SOX6: variants seen among roughly 807,000 people sequenced by gnomAD.
SOX6 encodes the protein SRY-box transcription factor 6, also known as transcription factor SOX-6.
SOX6 carries 11 observed loss-of-function variants against 97.8 expected under a neutral mutation model. That is an observed-to-expected ratio of 0.11 (90% CI 0.07 to 0.19). The LOEUF (loss-of-function observed/expected upper bound fraction) is 0.19, where lower values mean the gene tolerates loss of function less well. SOX6 is among the 10% of genes least tolerant of loss of function. The probability of loss-of-function intolerance (pLI) is 1.00; values close to 1 mark genes in which losing one functional copy is unlikely to be tolerated. For missense variants in SOX6, 810 were observed against 1,039.5 expected (o/e 0.78, Z 3.04); for synonymous variants, 360 against 371.4 (o/e 0.97, Z 0.35).
At chr11:16,623,447 G>A (rs1590016507) in intron 3 of SOX6, among the ~76,000 whole-genome samples, 3 of 152,160 alleles carry the variant, frequency 2.0e-5, no homozygotes, top group South Asian at 4.2e-4. Context: ...ATTCCTTGTA[G>A]ATTCTGGATA....
At chr11:16,597,112 G>T (rs1168355900) in intron 4 of SOX6, among the ~76,000 whole-genome samples, 1 of 152,060 alleles carries the variant, frequency 6.6e-6, no homozygotes, top group Non-Finnish European at 1.5e-5. Flanking sequence ...AGTATGGCTG[G>T]TAAGTTTATC....
At chr11:16,393,445 TAA>T (rs1025146561) in intron 1 of SOX6, among the ~76,000 whole-genome samples, 3 of 152,038 alleles carry the variant, frequency 2.0e-5, no homozygotes, top group Non-Finnish European at 2.9e-5. Context: ...CATATATATA[TAA>T]GTGACATACA....
intron 3 of SOX6, among the ~76,000 whole-genome samples, chr11:16,661,637 T>C (rs553943750): frequency 2.4e-4 from 37 of 152,056 alleles, no homozygotes; most frequent in African/African-American, 7.2e-4. Flanking sequence ...AGCCTCAAAC[T>C]CCTAGACTCA....
intron 1 of SOX6, among the ~76,000 whole-genome samples, chr11:16,411,174 ATCTACTACC>A (rs1422150049): frequency 6.6e-6 from 1 of 152,104 alleles, no homozygotes; most frequent in Non-Finnish European, 1.5e-5. Flanking sequence ...AAACTGTAAA[ATCTACTACC>A]TCTGAGAAAC....
chr11:16,243,667 G>A (rs1166563379), intron 3 of SOX6, among the ~76,000 whole-genome samples: 1 of 151,688 alleles, frequency 6.6e-6, no homozygotes, highest in Non-Finnish European at 1.5e-5. Flanking sequence ...CCCTTTCCAG[G>A]CAATCATCCA....
chr11:16,484,440 T>C, intron 4 of SOX6: 1 of 795,270 alleles, frequency 1.3e-6, no homozygotes, highest in South Asian at 1.3e-5. Context: ...CACCACAGCT[T>C]ACTGACAATG....
chr11:16,092,259 G>T (rs1435749704), intron 9 of SOX6, among the ~76,000 whole-genome samples: 1 of 151,726 alleles, frequency 6.6e-6, no homozygotes, highest in African/African-American at 2.4e-5. Flanking sequence ...GTTTTGGGGG[G>T]GACAGGTTTG....
At chr11:16,660,465 A>C (rs1847757879) in intron 3 of SOX6, among the ~76,000 whole-genome samples, 1 of 152,234 alleles carries the variant, frequency 6.6e-6, no homozygotes, top group African/African-American at 2.4e-5. Flanking sequence ...ATGTTTCGTA[A>C]GGTTTCTATT....
chr11:16,569,463 G>A (rs1425878250), intron 4 of SOX6, among the ~76,000 whole-genome samples: 8 of 152,096 alleles, frequency 5.3e-5, no homozygotes, highest in African/African-American at 1.7e-4. Flanking sequence ...TTAGCACACA[G>A]TACGTATACA....
rs1242397325 is a variant in SOX6, at chr11:15,989,122, C to T, written c.1841G>A (p.Arg614His). ...CTTAATGTGTGGCTCGCTGCTGGCA[C>T]GGCCGCGGGCGTCCCTGTAGACTCG... ...EARVYRDARG[R>H]ASSEPHIKRP... Residue 614 changes from arginine (R) to histidine (H), a missense_variant, in exon 14 of 16, where the codon CGT becomes CAT. Transcript: ENST00000683767. The T allele has an allele frequency of 1.2e-6, 2 of 1,614,202 alleles. No homozygotes were observed. Among genetic ancestry groups the T allele is most frequent in the Admixed American group, 1.7e-5 (1 of 60,020 alleles).
At chr11:16,194,060 T>C (rs941800225) in intron 4 of SOX6, among the ~76,000 whole-genome samples, 3 of 152,082 alleles carry the variant, frequency 2.0e-5, no homozygotes, top group East Asian at 3.9e-4. Flanking sequence ...ATAAACAGGG[T>C]AAGCTGAAGA....
chr11:16,111,292 A>C (rs1257184513), intron 7 of SOX6, among the ~76,000 whole-genome samples: 1 of 152,242 alleles, frequency 6.6e-6, no homozygotes, highest in Admixed American at 6.5e-5. Context: ...AGGTTTAAAA[A>C]TGAATTAAAA....
At chr11:16,182,740 A>G (rs572392676) in intron 6 of SOX6, among the ~76,000 whole-genome samples, 27 of 152,068 alleles carry the variant, frequency 1.8e-4, no homozygotes, top group Admixed American at 1.2e-3. Context: ...CAAAATGCCA[A>G]TTAGGTAAAG....
rs138873993 is a variant in SOX6, at chr11:16,330,095, G to A, written c.237+10917C>T. 2.1e-4 allele frequency among the ~76,000 whole-genome samples: 32 copies of A among 152,206 alleles called. No homozygotes were observed. The East Asian group carries it at 5.8e-3, about 28-fold the overall frequency. On this transcript the variant is annotated intron_variant, in intron 2 of 15. Transcript: ENST00000683767. ...TTTCTCTTTATATATCTCTTAAAGA[G>A]TGGTGCCCTAAACTCAATATACTCA...
At position 16,142,945 on chromosome 11, in the gene SOX6, G is replaced by A. The variant is rs563293770; in HGVS notation, c.778-31022C>T. Among the ~76,000 whole-genome samples, 182 of 152,208 alleles carry A rather than the reference G, an allele frequency of 1.2e-3. 1 individual carries two copies. In the South Asian group the frequency reaches 0.037, roughly 31 times the overall value. On this transcript the variant is annotated intron_variant, in intron 6 of 15. Transcript: ENST00000683767. ...ACACTCTGCAGGATATCATCCAGGA[G>A]AATATCCCCAACCTAGCAAGGCAGG...
intron 1 of SOX6, among the ~76,000 whole-genome samples, chr11:16,468,388 T>G (rs747245421): frequency 2.6e-5 from 4 of 152,190 alleles, no homozygotes; most frequent in African/African-American, 9.6e-5. Context: ...TTTGCTATAA[T>G]GTGTAAGTTG....
intron 9 of SOX6, among the ~76,000 whole-genome samples, chr11:16,057,487 A>T (rs976988898): frequency 3.3e-5 from 5 of 152,142 alleles, no homozygotes; most frequent in African/African-American, 9.7e-5. Context: ...TAATCTCTGA[A>T]TCCTGGTTTC....
At chr11:16,343,418 T>C (rs754726204) in intron 1 of SOX6, among the ~76,000 whole-genome samples, 1 of 151,964 alleles carries the variant, frequency 6.6e-6, no homozygotes, top group Admixed American at 6.6e-5. Flanking sequence ...ATGTCTATGA[T>C]TGTTGCTTCA....
intron 4 of SOX6, among the ~76,000 whole-genome samples, chr11:16,582,053 G>A (rs574322450): frequency 4.0e-5 from 6 of 151,618 alleles, no homozygotes; most frequent in Middle Eastern, 3.4e-3. Flanking sequence ...CCAAATTAAC[G>A]CAGGAAAAGA....
Sources: allele counts gnomAD v4.1 joint callset (sites outside exome capture counted in the v4.1 genomes callset), GRCh38; gene constraint gnomAD v4.1.1; transcripts MANE v1.5; gene names NCBI Gene and HGNC (gene_info 2026-07-23, HGNC 2026-07-21).